The following RIF1 variants were observed in gnomAD, a reference collection of about 807,000 sequenced individuals.
RIF1 encodes replication timing regulatory factor 1.
A neutral mutation model predicts 247.1 loss-of-function variants in RIF1; 45 were observed. The observed-to-expected ratio is 0.18, with a 90% confidence interval of 0.14 to 0.23. The LOEUF is 0.23. Among genes scored for constraint, RIF1 ranks in the 10% least tolerant of loss-of-function variants. The probability of loss-of-function intolerance (pLI) is 1.00; values close to 1 mark genes in which losing one functional copy is unlikely to be tolerated. For missense variants in RIF1, 2,967 were observed against 2,862.5 expected (o/e 1.04, Z -0.83); for synonymous variants, 1,087 against 978.8 (o/e 1.11, Z -2.06).
At chr2:151,497,589 T>G in intron 10 of RIF1, 1 of 1,542,490 alleles carries the variant, frequency 6.5e-7, no homozygotes, top group Non-Finnish European at 8.8e-7. Context: ...TTCAAAATCA[T>G]TAAATAAGTA....
Position 151,464,521 on chromosome 2 carries a change from A to G in RIF1, c.5001A>G (p.Leu1667=), listed in dbSNP as rs375421586. ...ATGCAGAATATTCCTTTACAAGTCT[A>G]CCTGTGCCAGAATCAAATCTAAGGA... The part of the protein sequence containing the change: ...SKYAEYSFTS[L]PVPESNLRTR... The change falls in exon 30 of 36, where the codon CTA becomes CTG. Residue 1667 remains leucine, a synonymous_variant. Transcript: ENST00000444746. The G allele has an allele frequency of 4.8e-5, 78 of 1,612,106 alleles. 1 individual carries two copies. Among genetic ancestry groups the G allele is most frequent in the South Asian group, 3.9e-4 (35 of 90,422 alleles).
At chr2:151,441,604 G>T (rs1471750185) in intron 15 of RIF1, among the ~76,000 whole-genome samples, 2 of 152,156 alleles carry the variant, frequency 1.3e-5, no homozygotes, top group African/African-American at 4.8e-5. Context: ...GTGTTTTTCT[G>T]TGTACTTACA....
chr2:151,522,244 TA>T, the RIF1 span, among the ~76,000 whole-genome samples: 1 of 152,248 alleles, frequency 6.6e-6, no homozygotes, highest in Non-Finnish European at 1.5e-5. Context: ...CTGGTGCTTC[TA>T]AAGACTGAAG....
In RIF1 at chr2:151,464,078, G is replaced by A. The variant is rs761561195; in HGVS notation, c.4558G>A (p.Asp1520Asn). Residue 1520 changes from aspartate to asparagine, a missense_variant, in exon 30 of 36, where the codon GAC (aspartate) becomes AAC (asparagine). Physicochemically the swap from Asp to Asn is conservative, Grantham distance 23. This residue lies in a region of RIF1 where 2,028 missense variants were observed against 1,825.6 expected (regional missense o/e 1.11). Coordinates refer to ENST00000444746, the MANE Select transcript of RIF1 (RefSeq NM_018151.5). ...NIKSEGDGTQ[D>N]IVDKSSEKLV... Reference sequence around the variant, plus strand: ...TAAGTCTGAGGGGGATGGTACCCAGGACATTGTAGATAAGTCCTCTGAGAA... The same window carrying A: ...TAAGTCTGAGGGGGATGGTACCCAGAACATTGTAGATAAGTCCTCTGAGAA... 27 of 1,613,136 alleles carry A rather than the reference G, an allele frequency of 1.7e-5. 1 individual carries two copies. The South Asian group carries it at 2.9e-4, about 17-fold the overall frequency.
intron 13 of RIF1, among the ~76,000 whole-genome samples, chr2:151,507,477 C>A (rs1054187722): frequency 7.9e-5 from 12 of 152,186 alleles, no homozygotes; most frequent in African/African-American, 2.4e-4. Context: ...TAAGCCTCTC[C>A]TTCCAGAAGG....
In RIF1 at chr2:151,465,875, A is replaced by C. The variant is rs1160614263; in HGVS notation, c.6355A>C (p.Lys2119Gln). 6.2e-7 allele frequency: 1 copy of C among 1,613,674 alleles called. No individual in the cohort carries two copies. The highest frequency in any genetic ancestry group is 2.2e-5 in the East Asian group (1 of 44,880). ...ACAGGAAGATCACCATACTTCACAG[A>C]AAGTGGAGGAACCATCACAGTGTCT... ...ILQEDHHTSQ[K>Q]VEEPSQCLAS... The change falls in exon 30 of 36, where the codon AAA (lysine) becomes CAA (glutamine). Residue 2119 changes from lysine (K) to glutamine (Q), a missense_variant. By Grantham distance (53) the Lys-to-Gln change is moderately conservative. This residue lies in a region of RIF1 where 2,028 missense variants were observed against 1,825.6 expected (regional missense o/e 1.11). Coordinates refer to ENST00000444746, the MANE Select transcript of RIF1 (RefSeq NM_018151.5).
chr2:151,505,351 A>G, intron 12 of RIF1: 1 of 813,518 alleles, frequency 1.2e-6, no homozygotes, highest in Non-Finnish European at 2.0e-6. Context: ...ATCAAGACTA[A>G]GGGAGAATTC....
At chr2:151,469,984 C>A in intron 34 of RIF1, 120 bp downstream of exon 34, 1 of 677,288 alleles carries the variant, frequency 1.5e-6, no homozygotes, top group Non-Finnish European at 2.4e-6. Context: ...TTATTTTGTA[C>A]TGTCTTTATG....
chr2:151,493,015 G>A (rs2057772093), intron 9 of RIF1: 1 of 254,348 alleles, frequency 3.9e-6, no homozygotes, highest in Non-Finnish European at 7.6e-6. Context: ...AACTAAAGGA[G>A]AGCAGAAGAT....
At chr2:151,491,064 T>G (rs2056198222) in intron 9 of RIF1, 1 of 149,348 alleles carries the variant, frequency 6.7e-6, no homozygotes, top group African/African-American at 2.7e-5. Context: ...AGATGGGGTC[T>G]CTGTTGCTCA....
At chr2:151,531,801 T>G in the RIF1 span, 262 of 1,610,468 alleles carry the variant, frequency 1.6e-4, 3 homozygotes, top group South Asian at 2.5e-3. Flanking sequence ...CATCGCTGAT[T>G]TGTTTGTTGA....
In RIF1 at chr2:151,423,058, A is replaced by G. The variant is rs1688435642; in HGVS notation, c.786+16A>G. 7.4e-6 allele frequency: 10 copies of G among 1,355,750 alleles called. No homozygotes were observed. The highest frequency in any genetic ancestry group is 1.2e-5 in the South Asian group (1 of 83,382). The allele number at this position is 1,355,750 out of a possible 1,614,324, so 84.0% of individuals were successfully genotyped here. On this transcript the variant is annotated intron_variant, in intron 8 of 35. Coordinates refer to ENST00000444746, the MANE Select transcript of RIF1 (RefSeq NM_018151.5). ...ACTTGGAAGGGTAAGTGCCCAGTTA[A>G]TGAACAGTCAACAGTTTTTACATGC...
At chr2:151,491,619 A>G (rs2056703746) in intron 9 of RIF1, 31 of 1,318,260 alleles carry the variant, frequency 2.4e-5, no homozygotes, top group Non-Finnish European at 3.3e-5. Flanking sequence ...CCCAAATGAA[A>G]GTCATTGACT....
intron 9 of RIF1, among the ~76,000 whole-genome samples, chr2:151,429,806 T>C (rs1292450749): frequency 6.6e-6 from 1 of 152,172 alleles, no homozygotes; most frequent in African/African-American, 2.4e-5. Flanking sequence ...TGATAATATA[T>C]TCACAAGAAA....
At chr2:151,513,676 GT>G in the RIF1 span, 3 of 1,602,838 alleles carry the variant, frequency 1.9e-6, no homozygotes, top group Admixed American at 3.4e-5. Flanking sequence ...CCAGTTCCAG[GT>G]CTCGCTTATA....
rs190931778 is a variant in RIF1 at position 151,430,866 on chromosome 2, C to G, written c.925+1944C>G. ...GCGGGATTTGACCACGTTGCCCGGG[C>G]TAGTCTCGAGCTCCTGGACTCAAGT... is the stretch of plus-strand genomic sequence containing the variant. On this transcript the variant is annotated intron_variant, in intron 9 of 35. Coordinates refer to ENST00000444746, the MANE Select transcript of RIF1 (RefSeq NM_018151.5). 6.0e-4 allele frequency among the ~76,000 whole-genome samples: 91 copies of G among 152,236 alleles called. 1 individual carries two copies. The highest frequency in any genetic ancestry group is 5.1e-3 in the Admixed American group (78 of 15,294).
chr2:151,526,160 C>G, the RIF1 span: 1 of 1,613,920 alleles, frequency 6.2e-7, no homozygotes, highest in Non-Finnish European at 8.5e-7. Context: ...GGGGTTACCT[C>G]AGACACCAGG....
intron 10 of RIF1, among the ~76,000 whole-genome samples, chr2:151,434,633 G>T (rs1233294677): frequency 6.6e-6 from 1 of 151,728 alleles, no homozygotes; most frequent in Non-Finnish European, 1.5e-5. Context: ...GTAGAGACGG[G>T]GTTTCACTGT....
intron 34 of RIF1, 130 bp downstream of exon 34, chr2:151,469,994 G>A (rs1697547680): frequency 5.6e-6 from 3 of 537,144 alleles, no homozygotes; most frequent in Admixed American, 3.6e-5. Flanking sequence ...CTGTCTTTAT[G>A]CATTGCACCT....
Sources: gnomAD v4.1 joint callset for allele counts (sites outside exome capture counted in the v4.1 genomes callset) on GRCh38, gnomAD v4.1.1 for gene constraint, gnomAD v4.1.1 regional missense constraint, MANE v1.5 for transcripts, NCBI Gene and HGNC (gene_info 2026-07-23, HGNC 2026-07-21) for gene names.